Variants in PHF21A observed in about 807,000 individuals in gnomAD.
The protein encoded by PHF21A is PHD finger protein 21A, also known as BHC80a.
Under a neutral mutation model 82.5 loss-of-function variants are expected in PHF21A, and 11 were observed. That is an observed-to-expected ratio of 0.13 (90% CI 0.08 to 0.22). PHF21A has a LOEUF of 0.22. Ranked by LOEUF, PHF21A falls within the 10% of genes least tolerant of loss-of-function variation. The pLI is 1.00. For synonymous variants in PHF21A, 297 were observed against 302.8 expected, an observed-to-expected ratio of 0.98 and a Z score of 0.20; for missense variants, 579 against 837.8, an observed-to-expected ratio of 0.69 and a Z score of 3.81.
intron 3 of PHF21A, among the ~76,000 whole-genome samples, chr11:46,086,354 C>T (rs544157615): frequency 1.3e-5 from 2 of 152,230 alleles, no homozygotes; most frequent in South Asian, 2.1e-4. Context: ...CTCCTGACCT[C>T]GTGATCCGCC....
intron 6 of PHF21A, among the ~76,000 whole-genome samples, chr11:46,029,027 G>T (rs1439791913): frequency 6.6e-6 from 1 of 152,172 alleles, no homozygotes; most frequent in Non-Finnish European, 1.5e-5. Flanking sequence ...TAATATTGAT[G>T]CAATCATGGT....
At position 46,086,725 on chromosome 11, in the gene PHF21A, G is replaced by T. The variant is rs182052056; in HGVS notation, c.-83-2423C>A. ...CAAGAATCACTTTGAAGTTGAAGGT[G>T]TATTTTTCAAATATTCGTACTTCAT... On this transcript the variant is annotated intron_variant, in intron 3 of 18. Coordinates refer to ENST00000676320, the MANE Select transcript of PHF21A (RefSeq NM_001352027.3). Among the ~76,000 whole-genome samples the T allele has an allele frequency of 8.5e-5, 13 of 152,228 alleles. No individual in the cohort carries two copies. The East Asian group carries it at 1.4e-3, about 16-fold the overall frequency.
At chr11:45,964,070 G>A (rs551971925) in intron 10 of PHF21A, among the ~76,000 whole-genome samples, 146 of 151,786 alleles carry the variant, frequency 9.6e-4, no homozygotes, top group Non-Finnish European at 1.5e-3. Flanking sequence ...GGTGGCTGAC[G>A]CCTGTAATCC....
intron 10 of PHF21A, among the ~76,000 whole-genome samples, chr11:45,954,378 A>G (rs781272372): frequency 6.6e-5 from 10 of 152,172 alleles, no homozygotes; most frequent in African/African-American, 2.4e-5. Context: ...TCACATACAC[A>G]GTCTCCTATT....
chr11:46,088,344 T>G (rs2096880844), intron 3 of PHF21A, among the ~76,000 whole-genome samples: 1 of 152,134 alleles, frequency 6.6e-6, no homozygotes, highest in Non-Finnish European at 1.5e-5. Context: ...AATATTAGCA[T>G]TTGCAATCTT....
chr11:46,014,148 A>G (rs1327941165), intron 6 of PHF21A, among the ~76,000 whole-genome samples: 2 of 152,098 alleles, frequency 1.3e-5, no homozygotes, highest in Admixed American at 6.5e-5. Flanking sequence ...AAGTTTTTCA[A>G]CCCTTGCTCC....
intron 1 of PHF21A, among the ~76,000 whole-genome samples, chr11:46,094,534 C>T (rs777482858): frequency 7.2e-5 from 11 of 152,062 alleles, no homozygotes; most frequent in Non-Finnish European, 1.3e-4. Context: ...TAAACACTAG[C>T]GAAATATTTT....
intron 1 of PHF21A, among the ~76,000 whole-genome samples, chr11:46,098,882 G>T (rs1240484279): frequency 6.6e-6 from 1 of 152,214 alleles, no homozygotes; most frequent in Non-Finnish European, 1.5e-5. Context: ...CACTGCATCT[G>T]TGAGAACCCT....
chr11:46,011,480 A>T (rs1268094636), intron 6 of PHF21A, among the ~76,000 whole-genome samples: 3 of 152,080 alleles, frequency 2.0e-5, no homozygotes, highest in African/African-American at 4.8e-5. Context: ...CGACAGTGCA[A>T]GATTCAGTCT....
At chr11:46,056,191 T>A (rs1029335225) in intron 6 of PHF21A, among the ~76,000 whole-genome samples, 13 of 152,170 alleles carry the variant, frequency 8.5e-5, no homozygotes, top group Non-Finnish European at 1.6e-4. Flanking sequence ...CAGAACTATT[T>A]AAATTTTTTT....
At chr11:46,086,620 T>C (rs2096860268) in intron 3 of PHF21A, among the ~76,000 whole-genome samples, 1 of 152,216 alleles carries the variant, frequency 6.6e-6, no homozygotes, top group Non-Finnish European at 1.5e-5. Context: ...TTACAGTTCT[T>C]CTTGAAAACA....
At chr11:46,088,810 T>C (rs751798628) in intron 3 of PHF21A, among the ~76,000 whole-genome samples, 13 of 152,208 alleles carry the variant, frequency 8.5e-5, no homozygotes, top group African/African-American at 1.2e-4. Flanking sequence ...TAGGCTTTTC[T>C]GTTCTCAAAT....
intron 1 of PHF21A, among the ~76,000 whole-genome samples, chr11:46,117,597 A>G (rs1453575449): frequency 6.6e-6 from 1 of 152,248 alleles, no homozygotes; most frequent in East Asian, 1.9e-4. Context: ...TTTTCAACAC[A>G]CTATACCCCT....
intron 15 of PHF21A, among the ~76,000 whole-genome samples, chr11:45,943,461 G>A (rs116636593): frequency 0.012 from 1,866 of 152,164 alleles, 38 homozygotes; most frequent in African/African-American, 0.04. Flanking sequence ...ATTTACAGGC[G>A]TGAGCCACCG....
chr11:46,076,295 A>G (rs2096724747), intron 6 of PHF21A, among the ~76,000 whole-genome samples: 3 of 152,222 alleles, frequency 2.0e-5, no homozygotes, highest in Non-Finnish European at 4.4e-5. Context: ...AGAGATTAAC[A>G]TAAAGGCATG....
intron 6 of PHF21A, among the ~76,000 whole-genome samples, chr11:45,986,084 A>AACACACACACACACACACACACAC (rs60179976): frequency 0.11 from 13,930 of 132,022 alleles, 949 homozygotes; most frequent in Non-Finnish European, 0.11. Context: ...CTTCCTTCAA[A>AACACACACACACACACACACACAC]ACACACACAC....
chr11:46,034,333 C>T (rs987387292), intron 6 of PHF21A, among the ~76,000 whole-genome samples: 1 of 149,876 alleles, frequency 6.7e-6, no homozygotes, highest in African/African-American at 2.5e-5. Flanking sequence ...TTAAAAATAT[C>T]TGTCTTGAAT....
chr11:45,988,615 G>A (rs557263417), intron 6 of PHF21A, among the ~76,000 whole-genome samples: 6 of 152,282 alleles, frequency 3.9e-5, no homozygotes, highest in Admixed American at 1.3e-4. Context: ...TAGGCCAGGC[G>A]TGGTGGCTCA....
At chr11:45,973,223 C>T (rs1018354543) in intron 7 of PHF21A, among the ~76,000 whole-genome samples, 1 of 152,336 alleles carries the variant, frequency 6.6e-6, no homozygotes, top group African/African-American at 2.4e-5. Flanking sequence ...GGTGACCAAA[C>T]TGGACAGTGG....
Sources: allele counts gnomAD v4.1 joint callset (sites outside exome capture counted in the v4.1 genomes callset), GRCh38; gene constraint gnomAD v4.1.1; transcripts MANE v1.5; gene names NCBI Gene and HGNC (gene_info 2026-07-23, HGNC 2026-07-21).